Variants in SATL1 observed in about 807,000 individuals in gnomAD.
SATL1 encodes spermidine/spermine N1-acetyl transferase like 1.
SATL1 carries 47 observed loss-of-function variants against 51.8 expected under a neutral mutation model. The observed-to-expected ratio is 0.91, with a 90% CI of 0.72 to 1.16. The LOEUF (loss-of-function observed/expected upper bound fraction) is 1.16, where lower values mean the gene tolerates loss of function less well. SATL1 is among the 50% of genes most tolerant of loss of function. SATL1 has a pLI of 0.00. For synonymous variants in SATL1, 176 were observed against 182.4 expected (o/e 0.97, Z 0.28); for missense variants, 520 against 526.4 (o/e 0.99, Z 0.12).
chrX:85,187,449 T>C (rs1927337714), intron 2 of SATL1, among the ~76,000 whole-genome samples: 2 of 111,814 alleles, frequency 1.8e-5, no homozygotes, highest in Non-Finnish European at 3.8e-5. Context: ...TTCTGAGCAG[T>C]GTGTTTATCA....
At chrX:85,211,151 T>G (rs755954137) in intron 2 of SATL1, 1 of 112,113 alleles carries the variant, frequency 8.9e-6, no homozygotes, top group East Asian at 2.8e-4. Flanking sequence ...GAAAAATAAC[T>G]GTTATCAAAG....
At chrX:85,122,876 G>A (rs764014221) in intron 2 of SATL1, among the ~76,000 whole-genome samples, 3 of 111,486 alleles carry the variant, frequency 2.7e-5, no homozygotes, top group Non-Finnish European at 5.7e-5. Context: ...TGTATTCAAT[G>A]TTTAGCCCCC....
chrX:85,175,061 A>G (rs1377255056), intron 2 of SATL1, among the ~76,000 whole-genome samples: 1 of 111,516 alleles, frequency 9.0e-6, no homozygotes, highest in Non-Finnish European at 1.9e-5. Context: ...TTTAGAAAAA[A>G]TTAATATTGG....
chrX:85,174,405 C>T (rs886624717), intron 2 of SATL1, among the ~76,000 whole-genome samples: 6 of 109,056 alleles, frequency 5.5e-5, no homozygotes, highest in Non-Finnish European at 1.1e-4. Context: ...TCACTGCAAC[C>T]TCCGCCTCCT....
chrX:85,105,661 G>A (rs941604860), intron 3 of SATL1, among the ~76,000 whole-genome samples: 2 of 111,393 alleles, frequency 1.8e-5, no homozygotes, highest in African/African-American at 6.5e-5. Flanking sequence ...GAATGGGACA[G>A]TCAATAAAAC....
intron 1 of SATL1, among the ~76,000 whole-genome samples, chrX:85,243,096 T>C (rs1050731331): frequency 2.7e-5 from 3 of 112,506 alleles, no homozygotes; most frequent in African/African-American, 9.7e-5. Context: ...GTATATTAGG[T>C]TATAGAGACC....
At chrX:85,204,728 G>A (rs749163380) in intron 2 of SATL1, among the ~76,000 whole-genome samples, 8 of 111,596 alleles carry the variant, frequency 7.2e-5, no homozygotes, top group African/African-American at 9.8e-5. Context: ...CTGTGAATAC[G>A]CACAGGGGTT....
intron 2 of SATL1, among the ~76,000 whole-genome samples, chrX:85,203,698 G>A (rs964935889): frequency 3.6e-5 from 4 of 112,191 alleles, no homozygotes; most frequent in African/African-American, 1.3e-4. Flanking sequence ...TCTGCCCCGG[G>A]TCAGCTCAAA....
chrX:85,155,892 A>C (rs1926575070), intron 2 of SATL1, among the ~76,000 whole-genome samples: 2 of 111,671 alleles, frequency 1.8e-5, no homozygotes, highest in Non-Finnish European at 3.8e-5. Flanking sequence ...AAATAATGTA[A>C]TATTTTTGTG....
At chrX:85,170,576 T>C (rs1926950735) in intron 2 of SATL1, among the ~76,000 whole-genome samples, 2 of 111,703 alleles carry the variant, frequency 1.8e-5, no homozygotes, top group African/African-American at 6.5e-5. Context: ...CTGTTTTTAC[T>C]TTCACTTAAA....
At chrX:85,150,979 G>A (rs1926416037) in intron 2 of SATL1, among the ~76,000 whole-genome samples, 1 of 111,354 alleles carries the variant, frequency 9.0e-6, no homozygotes, top group African/African-American at 3.3e-5. Flanking sequence ...AATCAGGCAG[G>A]AGAAGGAAAT....
At chrX:85,128,303 C>A (rs1160446612) in intron 2 of SATL1, among the ~76,000 whole-genome samples, 1 of 111,831 alleles carries the variant, frequency 8.9e-6, no homozygotes, top group Non-Finnish European at 1.9e-5. Context: ...TCCTCTCCAG[C>A]ACCTGTTGTT....
intron 1 of SATL1, among the ~76,000 whole-genome samples, chrX:85,240,846 G>A (rs923652392): frequency 1.3e-3 from 140 of 107,150 alleles, no homozygotes; most frequent in Non-Finnish European, 2.4e-3. Flanking sequence ...GGATGGTCTC[G>A]ATCTCCTGAC....
chrX:85,106,029 A>G (rs951071326), intron 3 of SATL1, among the ~76,000 whole-genome samples: 2 of 112,086 alleles, frequency 1.8e-5, no homozygotes, highest in East Asian at 2.8e-4. Context: ...GGTGATGACA[A>G]TGGGCATTGC....
chrX:85,156,846 TATATATATATATATATATATATAA>T (rs1926605529), intron 2 of SATL1, among the ~76,000 whole-genome samples: 1 of 21,768 alleles, frequency 4.6e-5, no homozygotes, highest in South Asian at 3.2e-3. Flanking sequence ...TATATATATA[TATATATATATATATATATATATAA>T]AATATGTAAA....
intron 2 of SATL1, among the ~76,000 whole-genome samples, chrX:85,200,741 A>G (rs1465612803): frequency 1.8e-5 from 2 of 111,411 alleles, no homozygotes; most frequent in Admixed American, 1.9e-4. Context: ...AAAAATTAGG[A>G]CATGTGGTAT....
At chrX:85,180,465 G>A (rs1415421622) in intron 2 of SATL1, among the ~76,000 whole-genome samples, 2 of 111,068 alleles carry the variant, frequency 1.8e-5, no homozygotes, top group Non-Finnish European at 3.8e-5. Flanking sequence ...TAACTGTACC[G>A]AACACTGTAG....
chrX:85,137,558 C>G (rs1325731265), intron 2 of SATL1, among the ~76,000 whole-genome samples: 1 of 111,468 alleles, frequency 9.0e-6, no homozygotes, highest in Non-Finnish European at 1.9e-5. Flanking sequence ...CACCCCACCT[C>G]TACCCCACTC....
chrX:85,216,809 G>A (rs1214339896), intron 2 of SATL1, among the ~76,000 whole-genome samples: 5 of 111,784 alleles, frequency 4.5e-5, no homozygotes, highest in East Asian at 5.6e-4. Flanking sequence ...TTATGCAATC[G>A]ATGTAGCTCA....
Sources: allele counts gnomAD v4.1 joint callset (sites outside exome capture counted in the v4.1 genomes callset), GRCh38; gene constraint gnomAD v4.1.1; transcripts MANE v1.5; gene names NCBI Gene and HGNC (gene_info 2026-07-23, HGNC 2026-07-21).